TCERG1L: variants seen among roughly 807,000 people sequenced by gnomAD.
TCERG1L encodes transcription elongation regulator 1 like.
In TCERG1L, 37 loss-of-function variants were observed where a neutral mutation model predicts 56.3. The observed-to-expected ratio is 0.66, with a 90% CI of 0.51 to 0.87. The LOEUF is 0.87. Among genes scored for constraint, TCERG1L ranks in the 40% least tolerant of loss-of-function variants. The probability of loss-of-function intolerance (pLI) is 0.00; values close to 1 mark genes in which losing one functional copy is unlikely to be tolerated. For missense variants in TCERG1L, 799 were observed against 774.2 expected (o/e 1.03, Z -0.38); for synonymous variants, 324 against 326.3 (o/e 0.99, Z 0.08).
intron 4 of TCERG1L, among the ~76,000 whole-genome samples, chr10:131,205,364 TAAA>T (rs67880177): frequency 1.1e-4 from 16 of 141,184 alleles, no homozygotes; most frequent in African/African-American, 3.9e-4. Context: ...TCTCCTAATG[TAAA>T]AAAAAAAAAA....
chr10:131,230,451 T>A (rs1845837435), intron 4 of TCERG1L, among the ~76,000 whole-genome samples: 1 of 152,136 alleles, frequency 6.6e-6, no homozygotes, highest in Non-Finnish European at 1.5e-5. Context: ...AAGCAGTGGA[T>A]CCTGGCCAGT....
intron 7 of TCERG1L, among the ~76,000 whole-genome samples, chr10:131,141,427 C>T (rs1845737931): frequency 6.6e-6 from 1 of 152,130 alleles, no homozygotes; most frequent in South Asian, 2.1e-4. Context: ...CGGGGTCACC[C>T]CACTCCACCC....
chr10:131,101,501 T>G (rs1406410834), intron 10 of TCERG1L, among the ~76,000 whole-genome samples: 1 of 152,138 alleles, frequency 6.6e-6, no homozygotes, highest in East Asian at 1.9e-4. Flanking sequence ...GCAAACAAGT[T>G]GGTGGTGGCA....
At chr10:131,282,714 G>A (rs1327239888) in intron 3 of TCERG1L, among the ~76,000 whole-genome samples, 5 of 152,118 alleles carry the variant, frequency 3.3e-5, no homozygotes, top group African/African-American at 9.7e-5. Flanking sequence ...ATAATTGATC[G>A]ATATTTATCA....
chr10:131,132,087 C>T (rs1482542341), intron 8 of TCERG1L, among the ~76,000 whole-genome samples: 9 of 152,206 alleles, frequency 5.9e-5, no homozygotes, highest in East Asian at 1.9e-4. Context: ...CAGGTTGGTG[C>T]TTCGGAAGAG....
At chr10:131,266,435 G>A (rs889542530) in intron 3 of TCERG1L, among the ~76,000 whole-genome samples, 3 of 152,220 alleles carry the variant, frequency 2.0e-5, no homozygotes, top group Non-Finnish European at 4.4e-5. Flanking sequence ...TCATCCCCAT[G>A]TGACCAGGTG....
chr10:131,172,621 G>C (rs1403988749), intron 4 of TCERG1L, among the ~76,000 whole-genome samples: 1 of 152,230 alleles, frequency 6.6e-6, no homozygotes, highest in Non-Finnish European at 1.5e-5. Flanking sequence ...CTCGCAGCTG[G>C]GAGCAGACCC....
chr10:131,221,562 G>A (rs1477237083), intron 4 of TCERG1L, among the ~76,000 whole-genome samples: 5 of 152,232 alleles, frequency 3.3e-5, no homozygotes, highest in African/African-American at 7.2e-5. Flanking sequence ...CTGAGGGGAT[G>A]TGGCACTCAG....
intron 4 of TCERG1L, among the ~76,000 whole-genome samples, chr10:131,222,658 C>T (rs1169222779): frequency 6.6e-6 from 1 of 152,202 alleles, no homozygotes; most frequent in Non-Finnish European, 1.5e-5. Flanking sequence ...GAGGGTATGG[C>T]CGAGCCTTTC....
chr10:131,181,301 A>G (rs564844651), intron 4 of TCERG1L, among the ~76,000 whole-genome samples: 4 of 152,290 alleles, frequency 2.6e-5, no homozygotes, highest in African/African-American at 9.6e-5. Context: ...TCAGGCTAGG[A>G]TGAGACAGCA....
At chr10:131,146,740 AAAGCCC>A in intron 6 of TCERG1L, 80 bp from the exon 7 acceptor site, 1 of 1,458,302 alleles carries the variant, frequency 6.9e-7, no homozygotes, top group South Asian at 1.5e-5. Flanking sequence ...TCTCACTGAA[AAAGCCC>A]CTCAGGACCG....
rs1846037700 is a variant in TCERG1L, at chr10:131,166,893, G to A, written c.857-8C>T. On this transcript the variant is annotated splice_polypyrimidine_tract_variant and splice_region_variant and intron_variant, in intron 4 of 11. Coordinates refer to ENST00000368642, the MANE Select transcript of TCERG1L (RefSeq NM_174937.4). Reference sequence around the variant, plus strand: ...CCCGCTCTGTCCTTGTATCTGTTGGGCCAAAGCAGTTGTCATTAACATTTC... The same window carrying A: ...CCCGCTCTGTCCTTGTATCTGTTGGACCAAAGCAGTTGTCATTAACATTTC... 1 of 1,605,492 alleles carries A rather than the reference G, an allele frequency of 6.2e-7. No homozygotes were observed. The highest frequency in any genetic ancestry group is 8.5e-7 in the Non-Finnish European group (1 of 1,177,988).
intron 4 of TCERG1L, among the ~76,000 whole-genome samples, chr10:131,199,330 C>T (rs931942022): frequency 4.6e-5 from 7 of 152,180 alleles, no homozygotes; most frequent in African/African-American, 1.7e-4. Flanking sequence ...ATTGTAAATT[C>T]CATTTTTAAC....
At chr10:131,265,008 C>T (rs921876160) in intron 3 of TCERG1L, among the ~76,000 whole-genome samples, 1 of 152,090 alleles carries the variant, frequency 6.6e-6, no homozygotes, top group Non-Finnish European at 1.5e-5. Flanking sequence ...CTGTCCCAGC[C>T]GAGCCCTTAA....
chr10:131,170,353 G>A (rs367874120), intron 4 of TCERG1L, among the ~76,000 whole-genome samples: 1 of 152,110 alleles, frequency 6.6e-6, no homozygotes, highest in East Asian at 1.9e-4. Flanking sequence ...TTGAGTGGCA[G>A]ACAGAACTAG....
chr10:131,278,894 T>G (rs1386173878), intron 3 of TCERG1L, among the ~76,000 whole-genome samples: 2 of 152,150 alleles, frequency 1.3e-5, no homozygotes, highest in Non-Finnish European at 2.9e-5. Flanking sequence ...CCCTGATGAC[T>G]GCTGGACCCC....
rs189787273 is a variant in TCERG1L at position 131,191,830 on chromosome 10, A to C, written c.857-24945T>G. On this transcript the variant is annotated intron_variant, in intron 4 of 11. Transcript: ENST00000368642. ...CAGTGAGCTGAGATCGCGCCACTGC[A>C]CTCCAGCCTGGGGGACAGAGCAAGA... Among the ~76,000 whole-genome samples the C allele has an allele frequency of 8.4e-3, 947 of 113,296 alleles. 62 individuals are homozygous for C. The South Asian group carries it at 0.11, about 13-fold the overall frequency. 74.3% of individuals were successfully genotyped at this position (113,296 alleles called of 152,430 possible). A position where few individuals can be genotyped will look rare whatever the true frequency, so the allele number is the denominator to read the frequency against.
intron 8 of TCERG1L, among the ~76,000 whole-genome samples, chr10:131,119,445 T>C (rs533080593): frequency 2.1e-3 from 324 of 152,376 alleles, no homozygotes; most frequent in African/African-American, 7.5e-3. Context: ...TCCAATTGTA[T>C]CATATTCCAA....
chr10:131,305,966 AG>A (rs1846815066), intron 3 of TCERG1L, among the ~76,000 whole-genome samples: 1 of 152,182 alleles, frequency 6.6e-6, no homozygotes, highest in South Asian at 2.1e-4. Flanking sequence ...AATTCATAAT[AG>A]GATATGAAAA....
Sources: allele counts gnomAD v4.1 joint callset (sites outside exome capture counted in the v4.1 genomes callset), GRCh38; gene constraint gnomAD v4.1.1; transcripts MANE v1.5; gene names NCBI Gene and HGNC (gene_info 2026-07-23, HGNC 2026-07-21).